Variants in BCKDHB observed in about 807,000 individuals in gnomAD.
BCKDHB encodes the protein branched chain keto acid dehydrogenase E1 subunit beta, also known as 2-oxoisovalerate dehydrogenase subunit beta, mitochondrial.
In BCKDHB, 41 loss-of-function variants were observed where a neutral mutation model predicts 48.5. The ratio of observed to expected loss-of-function variants is 0.85; its 90% CI spans 0.66 to 1.10. The LOEUF (loss-of-function observed/expected upper bound fraction) is 1.10, where lower values mean the gene tolerates loss of function less well. Ranked by LOEUF, BCKDHB falls within the 50% of genes least tolerant of loss-of-function variation. The probability of loss-of-function intolerance (pLI) is 0.00; values close to 1 mark genes in which losing one functional copy is unlikely to be tolerated. For missense variants in BCKDHB, 496 were observed against 494.2 expected (o/e 1.00, Z -0.03); for synonymous variants, 201 against 174.8 (o/e 1.15, Z -1.18).
intron 8 of BCKDHB, among the ~76,000 whole-genome samples, chr6:80,219,719 T>G (rs1433146591): frequency 6.6e-6 from 1 of 152,234 alleles, no homozygotes; most frequent in African/African-American, 2.4e-5. Context: ...TGCAGGAGGT[T>G]TTCTGACACT....
intron 1 of BCKDHB, among the ~76,000 whole-genome samples, chr6:80,120,181 G>A (rs995477025): frequency 5.3e-5 from 8 of 152,138 alleles, no homozygotes; most frequent in African/African-American, 1.9e-4. Context: ...TCCCTGCAAA[G>A]GACATGAACT....
chr6:80,170,629 C>T (rs1053508387), intron 5 of BCKDHB, among the ~76,000 whole-genome samples: 1 of 152,122 alleles, frequency 6.6e-6, no homozygotes, highest in Non-Finnish European at 1.5e-5. Flanking sequence ...AGTGCTTGGC[C>T]AAGTTTACAC....
the BCKDHB span, among the ~76,000 whole-genome samples, chr6:80,405,165 GTCTA>G: frequency 1.3e-5 from 2 of 151,954 alleles, no homozygotes; most frequent in Non-Finnish European, 2.9e-5. Context: ...TTGTATTGCT[GTCTA>G]TCTTTCCCTT....
the BCKDHB span, among the ~76,000 whole-genome samples, chr6:80,424,867 G>A: frequency 9.6e-3 from 1,469 of 152,326 alleles, 16 homozygotes; most frequent in Non-Finnish European, 0.017. Context: ...TAGGTTCCTA[G>A]CATGGAAAGC....
intron 6 of BCKDHB, among the ~76,000 whole-genome samples, chr6:80,176,226 T>C (rs1773147220): frequency 6.6e-6 from 1 of 152,180 alleles, no homozygotes; most frequent in African/African-American, 2.4e-5. Flanking sequence ...AGATTTTCTT[T>C]TCTGGTATTA....
chr6:80,283,406 C>CA (rs976449209), intron 9 of BCKDHB, among the ~76,000 whole-genome samples: 2 of 152,054 alleles, frequency 1.3e-5, no homozygotes, highest in African/African-American at 4.8e-5. Context: ...TTCTCTCATG[C>CA]AATTCTTGGT....
the BCKDHB span, among the ~76,000 whole-genome samples, chr6:80,364,740 C>T: frequency 6.6e-6 from 1 of 152,132 alleles, no homozygotes; most frequent in Admixed American, 6.5e-5. Context: ...CAAATGTTGG[C>T]AATTCATAGA....
the BCKDHB span, among the ~76,000 whole-genome samples, chr6:80,391,158 TTAA>T: frequency 7.4e-6 from 1 of 135,826 alleles, no homozygotes; most frequent in Non-Finnish European, 1.6e-5. Flanking sequence ...AAGTTAATAC[TTAA>T]TAAATGCATA....
chr6:80,108,465 TTATCATGATATA>T (rs1313925014), intron 1 of BCKDHB, among the ~76,000 whole-genome samples: 1 of 151,572 alleles, frequency 6.6e-6, no homozygotes, highest in African/African-American at 2.4e-5. Context: ...TGATATCATG[TTATCATGATATA>T]TATCATGATA....
chr6:80,303,465 A>C (rs888930334), intron 9 of BCKDHB, among the ~76,000 whole-genome samples: 2 of 151,976 alleles, frequency 1.3e-5, no homozygotes, highest in African/African-American at 4.8e-5. Flanking sequence ...TCTCCTTTCA[A>C]CTTCTTCAAA....
the BCKDHB span, among the ~76,000 whole-genome samples, chr6:80,454,481 C>T: frequency 1.6e-5 from 2 of 127,878 alleles, no homozygotes; most frequent in South Asian, 5.1e-4. Context: ...ACCCACTACA[C>T]TCTTGAGGAT....
chr6:80,282,847 C>G (rs1045270746), intron 9 of BCKDHB, among the ~76,000 whole-genome samples: 1 of 152,024 alleles, frequency 6.6e-6, no homozygotes, highest in African/African-American at 2.4e-5. Context: ...GTAGATGTTT[C>G]TCTCACATGA....
the BCKDHB span, among the ~76,000 whole-genome samples, chr6:80,402,684 G>A: frequency 4.6e-5 from 7 of 151,646 alleles, no homozygotes; most frequent in Non-Finnish European, 3.0e-5. Context: ...TCATTGCTAG[G>A]AATGTCAAGG....
At position 80,169,017 on chromosome 6, in the gene BCKDHB, G is replaced by T. The variant is rs1370843082; in HGVS notation, c.620G>T (p.Cys207Phe). The T allele has an allele frequency of 6.2e-7, 1 of 1,614,000 alleles. No individual in the cohort carries two copies. Among genetic ancestry groups the T allele is most frequent in the Non-Finnish European group, 8.5e-7 (1 of 1,179,936 alleles). The change falls in exon 5 of 10, where the codon TGC becomes TTC. Residue 207 changes from cysteine to phenylalanine, a missense_variant. Coordinates refer to ENST00000320393, the MANE Select transcript of BCKDHB (RefSeq NM_183050.4). ...AGTCCTGAAGCATTTTTTGCCCATT[G>T]CCCAGGAATCAAGGTATGTTCATTT... ...SQSPEAFFAH[C>F]PGIKVVIPRS...
At chr6:80,307,905 C>G (rs751006552) in intron 9 of BCKDHB, 1 of 971,976 alleles carries the variant, frequency 1.0e-6, no homozygotes, top group Non-Finnish European at 1.2e-6. Context: ...AAAAATTATT[C>G]CCAAAAGTAA....
Position 80,129,246 on chromosome 6 carries a change from A to G in BCKDHB, c.343+17A>G, listed in dbSNP as rs1238219791. On this transcript the variant is annotated intron_variant, in intron 3 of 9. Transcript: ENST00000320393. ...ACAAATATGGTAAGTAAATACCTAT[A>G]TGAATAGTATTCTGATAGAACTTTT... 2 of 1,581,166 alleles carry G rather than the reference A, an allele frequency of 1.3e-6. No individual in the cohort carries two copies. Among genetic ancestry groups the G allele is most frequent in the Non-Finnish European group, 1.7e-6 (2 of 1,151,388 alleles).
chr6:80,380,240 A>T, the BCKDHB span, among the ~76,000 whole-genome samples: 1 of 151,992 alleles, frequency 6.6e-6, no homozygotes, highest in African/African-American at 2.4e-5. Context: ...AAAATGGTAC[A>T]TGGATCAGTG....
At chr6:80,261,007 T>TG (rs1170195339) in intron 8 of BCKDHB, among the ~76,000 whole-genome samples, 1 of 152,182 alleles carries the variant, frequency 6.6e-6, no homozygotes, top group Non-Finnish European at 1.5e-5. Context: ...GAAATGAGTT[T>TG]GGCCCCCTAA....
the BCKDHB span, among the ~76,000 whole-genome samples, chr6:80,405,658 A>G: frequency 6.6e-6 from 1 of 151,778 alleles, no homozygotes; most frequent in Non-Finnish European, 1.5e-5. Context: ...GTGCAGTGGT[A>G]TGCTTTGATT....
Sources: gnomAD v4.1 joint callset for allele counts (sites outside exome capture counted in the v4.1 genomes callset) on GRCh38, gnomAD v4.1.1 for gene constraint, MANE v1.5 for transcripts, NCBI Gene and HGNC (gene_info 2026-07-23, HGNC 2026-07-21) for gene names.